OR9Q1: variants seen among roughly 807,000 people sequenced by gnomAD.
OR9Q1 encodes the protein olfactory receptor family 9 subfamily Q member 1, also known as olfactory receptor 9Q1.
For missense variants in OR9Q1, 374 were observed against 378.8 expected, an observed-to-expected ratio of 0.99 and a Z score of 0.11; for synonymous variants, 153 against 148.6, an observed-to-expected ratio of 1.03 and a Z score of -0.22.
rs1273484228 is a variant in OR9Q1, at chr11:58,068,884, A to AGTGCAGCGCTGGAGAT, written c.-15+12938_-15+12953dup. On this transcript the variant is annotated intron_variant, in intron 2 of 2. Coordinates refer to ENST00000335397, the MANE Select transcript of OR9Q1 (RefSeq NM_001005212.4). Reference sequence around the variant, plus strand: ...GAAGGGAGCACCAGGGAGCGGGAAAAGTGCAGCGCTGGAGATTCGCATCCA... The same window carrying AGTGCAGCGCTGGAGAT: ...GAAGGGAGCACCAGGGAGCGGGAAAAGTGCAGCGCTGGAGATGTGCAGCGCTGGAGATTCGCATCCA... 6.6e-5 allele frequency among the ~76,000 whole-genome samples: 10 copies of AGTGCAGCGCTGGAGAT among 152,152 alleles called. No homozygotes were observed. The East Asian group carries it at 1.9e-3, about 30-fold the overall frequency.
intron 2 of OR9Q1, among the ~76,000 whole-genome samples, chr11:58,103,791 G>A (rs933361432): frequency 3.3e-5 from 5 of 152,136 alleles, no homozygotes; most frequent in Admixed American, 2.0e-4. Context: ...ATGTCAATTG[G>A]GCAGAGTGCA....
chr11:58,153,568 TTC>T (rs893462144), intron 2 of OR9Q1, among the ~76,000 whole-genome samples: 2 of 152,132 alleles, frequency 1.3e-5, no homozygotes, highest in Non-Finnish European at 2.9e-5. Context: ...TTTTTTTTTT[TTC>T]CAAGAGAAAT....
chr11:58,107,544 C>T (rs1401358437), intron 2 of OR9Q1, among the ~76,000 whole-genome samples: 4 of 152,162 alleles, frequency 2.6e-5, no homozygotes, highest in Non-Finnish European at 4.4e-5. Flanking sequence ...CAAGTCTTTG[C>T]TATTGTGAAT....
intron 2 of OR9Q1, among the ~76,000 whole-genome samples, chr11:58,083,884 G>T (rs1195030647): frequency 6.6e-6 from 1 of 151,764 alleles, no homozygotes; most frequent in Non-Finnish European, 1.5e-5. Flanking sequence ...GTTTGAAGTT[G>T]GGTAGTGTTA....
At chr11:58,116,568 T>C (rs1853957210) in intron 2 of OR9Q1, among the ~76,000 whole-genome samples, 4 of 152,360 alleles carry the variant, frequency 2.6e-5, no homozygotes, top group Admixed American at 2.6e-4. Context: ...CTGATAAAAT[T>C]CTTACGAGAA....
In OR9Q1 at chr11:58,119,130, G is replaced by A; in HGVS notation, c.-14-60301G>A. 8 of 1,614,000 alleles carry A rather than the reference G, an allele frequency of 5.0e-6. 2 individuals carry two copies. In the South Asian group the frequency reaches 8.8e-5, roughly 18 times the overall value. On this transcript the variant is annotated intron_variant, in intron 2 of 2. Coordinates refer to ENST00000335397, the MANE Select transcript of OR9Q1 (RefSeq NM_001005212.4). ...GAAAGCACTCTGTGCCTGCACAGAT[G>A]GTGAATAAAAAGAACTGGGCAGCAC...
rs573635991 is a variant in OR9Q1, at chr11:58,161,472, A to G, written c.-14-17959A>G. Among the ~76,000 whole-genome samples, 10 of 152,186 alleles carry G rather than the reference A, an allele frequency of 6.6e-5. No homozygotes were observed. The South Asian group carries it at 2.1e-3, about 32-fold the overall frequency. ...AGTGGGAAATCTTCAGCCCAGCTGT[A>G]ATCGTGGCTTGGCTTCTGGATACAC... On this transcript the variant is annotated intron_variant, in intron 2 of 2. Coordinates refer to ENST00000335397, the MANE Select transcript of OR9Q1 (RefSeq NM_001005212.4).
At chr11:58,102,249 TTG>T (rs1853791052) in intron 2 of OR9Q1, among the ~76,000 whole-genome samples, 1 of 15,396 alleles carries the variant, frequency 6.5e-5, no homozygotes, top group African/African-American at 1.8e-4. Flanking sequence ...TGTAGTTGTT[TTG>T]TATACCCTTT....
intron 1 of OR9Q1, among the ~76,000 whole-genome samples, chr11:58,053,346 G>A (rs1269622202): frequency 6.7e-6 from 1 of 148,950 alleles, no homozygotes; most frequent in Non-Finnish European, 1.5e-5. Flanking sequence ...ACTATCGCAA[G>A]GACAAAAAAC....
chr11:58,073,874 C>T (rs1212000795), intron 2 of OR9Q1, among the ~76,000 whole-genome samples: 1 of 152,156 alleles, frequency 6.6e-6, no homozygotes, highest in Admixed American at 6.5e-5. Flanking sequence ...CATTGTTCAA[C>T]ACCTACTTAT....
At chr11:58,143,040 C>G (rs1486924728) in intron 2 of OR9Q1, among the ~76,000 whole-genome samples, 1 of 152,142 alleles carries the variant, frequency 6.6e-6, no homozygotes, top group Middle Eastern at 3.2e-3. Flanking sequence ...GCATACAAAT[C>G]CATTGTGCAT....
At chr11:58,147,329 A>G (rs893292326) in intron 2 of OR9Q1, among the ~76,000 whole-genome samples, 4 of 152,178 alleles carry the variant, frequency 2.6e-5, no homozygotes, top group African/African-American at 9.7e-5. Context: ...CTTCATCAAA[A>G]TGATCATCAA....
At chr11:58,104,692 G>T (rs1853823308) in intron 2 of OR9Q1, among the ~76,000 whole-genome samples, 1 of 152,134 alleles carries the variant, frequency 6.6e-6, no homozygotes, top group South Asian at 2.1e-4. Context: ...CTTTTAGTGA[G>T]GCAGGACTAT....
In OR9Q1 at chr11:58,149,832, A is replaced by C. The variant is rs1251431018; in HGVS notation, c.-14-29599A>C. ...AAATCAATAATAATCTATTGCATGGATATGCCATATTTTGTTTATCTGTTA... is the reference window on the plus strand; with the variant it reads ...AAATCAATAATAATCTATTGCATGGCTATGCCATATTTTGTTTATCTGTTA... On this transcript the variant is annotated intron_variant, in intron 2 of 2. Transcript: ENST00000335397. 3.3e-5 allele frequency among the ~76,000 whole-genome samples: 5 copies of C among 152,300 alleles called. No individual in the cohort carries two copies. The East Asian group carries it at 9.6e-4, about 29-fold the overall frequency.
chr11:58,038,245 T>C (rs1018966756), intron 1 of OR9Q1, among the ~76,000 whole-genome samples: 2 of 152,102 alleles, frequency 1.3e-5, no homozygotes, highest in Non-Finnish European at 2.9e-5. Context: ...CTACAAGAAT[T>C]TGAGGTGCAT....
At chr11:58,056,080 C>T (rs61904025) in intron 2 of OR9Q1, 133 bp downstream of exon 2, 25,789 of 152,140 alleles carry the variant, frequency 0.17, 2,326 homozygotes, top group Non-Finnish European at 0.21. Context: ...ATTTCTAAAA[C>T]TTTGCATGGC....
chr11:58,135,231 C>A (rs562085974), intron 2 of OR9Q1, among the ~76,000 whole-genome samples: 1 of 152,258 alleles, frequency 6.6e-6, no homozygotes, highest in Non-Finnish European at 1.5e-5. Flanking sequence ...GAAAATATTT[C>A]TCTTATGTCT....
intron 2 of OR9Q1, among the ~76,000 whole-genome samples, chr11:58,062,053 G>C (rs1167106221): frequency 6.6e-6 from 1 of 152,172 alleles, no homozygotes; most frequent in African/African-American, 2.4e-5. Flanking sequence ...GGTAGGAATG[G>C]TGCAGGCTTC....
At chr11:58,162,037 G>A (rs1854462258) in intron 2 of OR9Q1, among the ~76,000 whole-genome samples, 1 of 152,198 alleles carries the variant, frequency 6.6e-6, no homozygotes, top group African/African-American at 2.4e-5. Context: ...CACTGACTTG[G>A]TTAAGGTGGC....
Sources: allele counts gnomAD v4.1 joint callset (sites outside exome capture counted in the v4.1 genomes callset), GRCh38; gene constraint gnomAD v4.1.1; transcripts MANE v1.5; gene names NCBI Gene and HGNC (gene_info 2026-07-23, HGNC 2026-07-21).